Variants in MAP4K1 observed in about 807,000 individuals in gnomAD.
MAP4K1 encodes the protein mitogen-activated protein kinase kinase kinase kinase 1, also known as MAPK/ERK kinase kinase kinase 1.
MAP4K1 carries 35 observed loss-of-function variants against 122.8 expected under a neutral mutation model. The observed-to-expected ratio is 0.29, with a 90% CI of 0.22 to 0.38. The LOEUF is 0.38. Ranked by LOEUF, MAP4K1 falls within the 10% of genes least tolerant of loss-of-function variation. MAP4K1 has a pLI of 1.00. For synonymous variants in MAP4K1, 412 were observed against 421.3 expected (o/e 0.98, Z 0.27); for missense variants, 791 against 1,072.6 (o/e 0.74, Z 3.67).
rs2287737 is a variant in MAP4K1 at position 38,595,600 on chromosome 19, T to C, written c.2269+40A>G. The C allele has an allele frequency of 6.8e-3, 11,041 of 1,613,882 alleles. 217 individuals are homozygous for C. The highest frequency in any genetic ancestry group is 0.065 in the East Asian group (2,915 of 44,848). On this transcript the variant is annotated intron_variant, in intron 28 of 30. Coordinates refer to ENST00000396857, the MANE Select transcript of MAP4K1 (RefSeq NM_001042600.3). Reference sequence around the variant, plus strand: ...CGTTACCCTTGGGGATCACTTGAGTTTCCACCCCTGATCCTGGGCTCTCCC... The same window carrying C: ...CGTTACCCTTGGGGATCACTTGAGTCTCCACCCCTGATCCTGGGCTCTCCC...
chr19:38,617,792 C>G lies in MAP4K1; in HGVS notation c.99+5G>C. 2 of 1,614,048 alleles carry G rather than the reference C, an allele frequency of 1.2e-6. No individual in the cohort carries two copies. Among genetic ancestry groups the G allele is most frequent in the Non-Finnish European group, 1.7e-6 (2 of 1,179,954 alleles). ...AGGGTGTTGGGGACAGAGGGGCTTC[C>G]TCACCTTAAAGACTTCCCCATACGT... is the stretch of plus-strand genomic sequence containing the variant. On this transcript the variant is annotated splice_donor_5th_base_variant and intron_variant, in intron 1 of 30. Transcript: ENST00000396857. This position sits in a 1 kb window ranked among gnomAD's most constrained non-coding sequence, Gnocchi z 4.1.
At chr19:38,605,358 C>CAA in intron 19 of MAP4K1, 51 bp downstream of exon 19, 13 of 1,308,998 alleles carry the variant, frequency 9.9e-6, no homozygotes, top group Non-Finnish European at 1.3e-5. Context: ...CCCCACCAGG[C>CAA]ATCCCCAGCC....
chr19:38,601,401 C>T (rs1264408587), intron 20 of MAP4K1, 40 bp downstream of exon 20: 1 of 1,553,786 alleles, frequency 6.4e-7, no homozygotes, highest in Non-Finnish European at 8.8e-7. Context: ...TTTGCTCTCC[C>T]ATTCCCTACA....
In MAP4K1 at chr19:38,613,863, C is replaced by T. The variant is rs778294407; in HGVS notation, c.533+17G>A. 11 of 1,589,004 alleles carry T rather than the reference C, an allele frequency of 6.9e-6. No individual in the cohort carries two copies. The highest frequency in any genetic ancestry group is 3.8e-4 in the Middle Eastern group (2 of 5,276). ...GACCCCCACTCCACCCCTAGCTGCC[C>T]GCTGGGCGCCACTCACCAGTAGGGT... On this transcript the variant is annotated intron_variant, in intron 8 of 30. Coordinates refer to ENST00000396857, the MANE Select transcript of MAP4K1 (RefSeq NM_001042600.3).
chr19:38,587,868 G>T, intron 30 of MAP4K1, 51 bp from the exon 31 acceptor site: 2 of 1,389,038 alleles, frequency 1.4e-6, no homozygotes, highest in South Asian at 1.2e-5. Flanking sequence ...TATGTTCATT[G>T]ATTCATTAAT....
Position 38,597,754 on chromosome 19 carries a change from A to G in MAP4K1, c.1670-160T>C, listed in dbSNP as rs957772198. 2.6e-5 allele frequency among the ~76,000 whole-genome samples: 4 copies of G among 152,214 alleles called. No homozygotes were observed. The highest frequency in any genetic ancestry group is 6.6e-5 in the Admixed American group (1 of 15,258). ...TTCATTCATTCATTTCTCACTCCACATAGATTGAACGTCCATTGTAGGCCA... is the reference window on the plus strand; with the variant it reads ...TTCATTCATTCATTTCTCACTCCACGTAGATTGAACGTCCATTGTAGGCCA... On this transcript the variant is annotated intron_variant, in intron 22 of 30. Transcript: ENST00000396857. The surrounding 1 kb of genome is among the most constrained non-coding windows in gnomAD (Gnocchi z 4.6).
intron 30 of MAP4K1, among the ~76,000 whole-genome samples, chr19:38,590,438 A>ATATATAG (rs1421697310): frequency 6.6e-5 from 6 of 90,706 alleles, no homozygotes; most frequent in Admixed American, 1.3e-4. Context: ...TATATATATA[A>ATATATAG]TCACGGGCGT....
rs569169848 is a variant in MAP4K1 at position 38,616,704 on chromosome 19, G to T, written c.249-445C>A. On this transcript the variant is annotated intron_variant, in intron 3 of 30. Coordinates refer to ENST00000396857, the MANE Select transcript of MAP4K1 (RefSeq NM_001042600.3). ...AGGAGCAGAGAGTGAAACTGGGTGA[G>T]CCAAAGAGCAGAATGGTGAGAGCTT... is the stretch of plus-strand genomic sequence containing the variant. Among the ~76,000 whole-genome samples, 3 of 152,304 alleles carry T rather than the reference G, an allele frequency of 2.0e-5. No individual in the cohort carries two copies. In the East Asian group the frequency reaches 5.8e-4, roughly 29 times the overall value.
chr19:38,607,883 C>T lies in MAP4K1; in HGVS notation c.1138G>A (p.Asp380Asn), dbSNP rs201062654. Reference protein sequence around the residue: ...RKQLSESSDDDYDDVDIPTPA... With the variant: ...RKQLSESSDDNYDDVDIPTPA... ...ACTTACATGTCCACGTCGTCATAGT[C>T]ATCGTCAGACGACTCTGACAGTTGC... is the stretch of plus-strand genomic sequence containing the variant. Residue 380 changes from aspartate (D) to asparagine (N), a missense_variant, in exon 16 of 31, where the codon GAC becomes AAC. By Grantham distance (23) the Asp-to-Asn change is conservative (BLOSUM62 1). Coordinates refer to ENST00000396857, the MANE Select transcript of MAP4K1 (RefSeq NM_001042600.3). 1 of 1,612,114 alleles carries T rather than the reference C, an allele frequency of 6.2e-7. No homozygotes were observed. Among genetic ancestry groups the T allele is most frequent in the South Asian group, 1.1e-5 (1 of 90,616 alleles).
intron 29 of MAP4K1, among the ~76,000 whole-genome samples, chr19:38,594,308 C>T (rs1206544706): frequency 6.6e-6 from 1 of 152,102 alleles, no homozygotes; most frequent in Non-Finnish European, 1.5e-5. Flanking sequence ...GGTTGCACCA[C>T]TGCACTTCAG....
chr19:38,593,149 G>A, intron 30 of MAP4K1, 133 bp downstream of exon 30: 1 of 731,400 alleles, frequency 1.4e-6, no homozygotes. Flanking sequence ...ACTCTAGGGA[G>A]CAGGGATGGA....
At chr19:38,593,420 G>C (rs1419295832) in intron 29 of MAP4K1, 83 bp from the exon 30 acceptor site, 6 of 1,309,250 alleles carry the variant, frequency 4.6e-6, no homozygotes, top group Non-Finnish European at 5.3e-6. Flanking sequence ...AGACAGCAAG[G>C]AGCTGGGCAC....
intron 25 of MAP4K1, among the ~76,000 whole-genome samples, chr19:38,596,759 A>G (rs1974900466): frequency 6.6e-6 from 1 of 152,212 alleles, no homozygotes; most frequent in African/African-American, 2.4e-5. Context: ...TCAAAGAGAC[A>G]GGCTCTAAAT....
rs1326360340 is a variant in MAP4K1 at position 38,613,344 on chromosome 19, AAAC to A, written c.533+533_533+535del. ...AAGAACGAAAAAGAAAAAAAAAAAA[AAAC>A]AACACCATCTCTACACAAATTTTAA... is the stretch of plus-strand genomic sequence containing the variant. On this transcript the variant is annotated intron_variant, in intron 8 of 30. Transcript: ENST00000396857. Among the ~76,000 whole-genome samples, 379 of 151,018 alleles carry A rather than the reference AAAC, an allele frequency of 2.5e-3. 4 individuals carry two copies. The highest frequency in any genetic ancestry group is 8.9e-3 in the African/African-American group (364 of 41,118).
In MAP4K1 at chr19:38,593,319, C is replaced by G. The variant is rs1394321403; in HGVS notation, c.2359G>C (p.Asp787His). The change falls in exon 30 of 31, where the codon GAC (aspartate) becomes CAC (histidine). Residue 787 changes from aspartate to histidine, a missense_variant. Coordinates refer to ENST00000396857, the MANE Select transcript of MAP4K1 (RefSeq NM_001042600.3). ...GSDQLLQELR[D>H]PTLTFRLLGS... ...AGCAGACGGAAAGTGAGGGTAGGGT[C>G]TCTCAGCTCCTGTAGCAGCTAGGGA... 5 of 1,611,690 alleles carry G rather than the reference C, an allele frequency of 3.1e-6. No homozygotes were observed. The highest frequency in any genetic ancestry group is 2.2e-5 in the South Asian group (2 of 90,706).
chr19:38,599,988 G>A lies in MAP4K1; in HGVS notation c.1609-3C>T. ...CACGTAGTCCGGCTAGGAAAGAGCT[G>A]CAGGGAATGGGAGAGATGGCTCTGG... On this transcript the variant is annotated splice_polypyrimidine_tract_variant and splice_region_variant and intron_variant, in intron 21 of 30. Transcript: ENST00000396857. The A allele has an allele frequency of 2.5e-6, 4 of 1,614,186 alleles. No individual in the cohort carries two copies. Among genetic ancestry groups the A allele is most frequent in the Non-Finnish European group, 2.5e-6 (3 of 1,180,026 alleles).
chr19:38,609,845 G>T, intron 12 of MAP4K1, 64 bp downstream of exon 12: 1 of 1,451,022 alleles, frequency 6.9e-7, no homozygotes. Flanking sequence ...GGCACTGCTG[G>T]CAGCAGGCAC....
intron 11 of MAP4K1, 144 bp downstream of exon 11, chr19:38,610,907 G>A (rs1194236077): frequency 1.3e-5 from 9 of 708,914 alleles, no homozygotes; most frequent in East Asian, 5.4e-5. Context: ...TCTGGTGGTC[G>A]GGGGTGGTCC....
Position 38,614,408 on chromosome 19 carries a change from G to C in MAP4K1, c.351C>G (p.Val117=), listed in dbSNP as rs537166514. The change falls in exon 5 of 31, where the codon GTC becomes GTG. Residue 117 remains valine, a synonymous_variant. Transcript: ENST00000396857. ...TCCTTACCTGGAGCACTTCCCGGCA[G>C]ACATAGCTAATCTGGAGCTCTGACA... ...GSLSELQISY[V]CREVLQGLAY... 7.4e-6 allele frequency: 12 copies of C among 1,614,192 alleles called. No homozygotes were observed. The highest frequency in any genetic ancestry group is 1.0e-5 in the Non-Finnish European group (12 of 1,180,032).
Sources: gnomAD v4.1 joint callset for allele counts (sites outside exome capture counted in the v4.1 genomes callset) on GRCh38, gnomAD v4.1.1 for gene constraint, Gnocchi (gnomAD v3.1) non-coding constraint, MANE v1.5 for transcripts, NCBI Gene and HGNC (gene_info 2026-07-23, HGNC 2026-07-21) for gene names.